Variants in CDH22 observed in about 807,000 individuals in gnomAD.
The protein encoded by CDH22 is cadherin 22, also known as cadherin-22.
CDH22 carries 30 observed loss-of-function variants against 58.4 expected under a neutral mutation model. That is an observed-to-expected ratio of 0.51 (90% CI 0.38 to 0.70). The LOEUF (loss-of-function observed/expected upper bound fraction) is 0.70, where lower values mean the gene tolerates loss of function less well. CDH22 is among the 30% of genes least tolerant of loss of function. The pLI, the probability that CDH22 is intolerant of heterozygous loss-of-function variation, is 0.00. For missense variants in CDH22, 1,014 were observed against 1,233.9 expected (o/e 0.82, Z 2.67); for synonymous variants, 513 against 558.2 (o/e 0.92, Z 1.14).
intron 4 of CDH22, 136 bp from the exon 5 acceptor site, chr20:46,217,129 A>C: frequency 2.7e-6 from 2 of 737,976 alleles, no homozygotes; most frequent in Non-Finnish European, 4.4e-6. Context: ...CCACACAAGG[A>C]CATCCACGTG....
intron 8 of CDH22, among the ~76,000 whole-genome samples, chr20:46,197,887 T>A (rs993103086): frequency 6.6e-6 from 1 of 151,796 alleles, no homozygotes; most frequent in African/African-American, 2.4e-5. Flanking sequence ...GGATGGCAGC[T>A]AGGGGAGGAG....
intron 1 of CDH22, among the ~76,000 whole-genome samples, chr20:46,295,596 AG>A (rs1345264842): frequency 6.6e-6 from 1 of 152,168 alleles, no homozygotes; most frequent in Non-Finnish European, 1.5e-5. Context: ...GCAGCTAGGA[AG>A]GGGGGCAGCT....
intron 3 of CDH22, among the ~76,000 whole-genome samples, chr20:46,234,269 T>C (rs551236997): frequency 1.3e-5 from 2 of 152,372 alleles, no homozygotes; most frequent in East Asian, 1.9e-4. Flanking sequence ...CAAGAAATGA[T>C]TGTGACTCTT....
chr20:46,212,850 A>G (rs2086053437), intron 6 of CDH22, 145 bp downstream of exon 6: 1 of 648,984 alleles, frequency 1.5e-6, no homozygotes, highest in South Asian at 1.9e-5. Context: ...TGATACCATC[A>G]GTGTTTTTCC....
chr20:46,246,460 T>A (rs1197641572), intron 2 of CDH22, among the ~76,000 whole-genome samples: 3 of 152,126 alleles, frequency 2.0e-5, no homozygotes, highest in Non-Finnish European at 4.4e-5. Flanking sequence ...AAAATCCACA[T>A]CCAGCTGACA....
At chr20:46,263,500 C>T (rs191276461) in intron 1 of CDH22, among the ~76,000 whole-genome samples, 356 of 152,062 alleles carry the variant, frequency 2.3e-3, no homozygotes, top group African/African-American at 6.7e-3. Flanking sequence ...CAAATAAATG[C>T]ACAATTACCA....
chr20:46,234,001 A>G (rs1438415907), intron 3 of CDH22, among the ~76,000 whole-genome samples: 2 of 152,224 alleles, frequency 1.3e-5, no homozygotes, highest in Non-Finnish European at 2.9e-5. Context: ...GGAGGCTCCC[A>G]GCCTGCTGCT....
At chr20:46,232,486 G>A (rs961900751) in intron 3 of CDH22, among the ~76,000 whole-genome samples, 1 of 152,158 alleles carries the variant, frequency 6.6e-6, no homozygotes, top group African/African-American at 2.4e-5. Context: ...AAAGAACAGA[G>A]TTCTCAGCCG....
Position 46,199,458 on chromosome 20 carries a change from C to T in CDH22, c.1388G>A (p.Gly463Asp). 1 of 1,613,400 alleles carries T rather than the reference C, an allele frequency of 6.2e-7. No homozygotes were observed. Among genetic ancestry groups the T allele is most frequent in the Non-Finnish European group, 8.5e-7 (1 of 1,179,996 alleles). The part of the protein sequence containing the change: ...TGKGLDRETA[G>D]WHNITVLAME... ...GGCCAGCACTGTGATGTTGTGCCAGCCGGCCGTCTCGCGGTCCAGCCCCTT... is the reference window on the plus strand; with the variant it reads ...GGCCAGCACTGTGATGTTGTGCCAGTCGGCCGTCTCGCGGTCCAGCCCCTT... Residue 463 changes from glycine (G) to aspartate (D), a missense_variant, in exon 8 of 12, where the codon GGC (glycine) becomes GAC (aspartate). Gly to Asp is a moderately conservative substitution (Grantham distance 94). Coordinates refer to ENST00000537909, the MANE Select transcript of CDH22 (RefSeq NM_021248.3).
At chr20:46,296,012 C>T (rs894707912) in intron 1 of CDH22, among the ~76,000 whole-genome samples, 2 of 152,200 alleles carry the variant, frequency 1.3e-5, no homozygotes, top group Admixed American at 1.3e-4. Flanking sequence ...ATCCTCCTGC[C>T]TCGGCCTCTC....
chr20:46,226,805 T>A (rs1299698639), intron 4 of CDH22, among the ~76,000 whole-genome samples: 1 of 152,168 alleles, frequency 6.6e-6, no homozygotes, highest in East Asian at 1.9e-4. Context: ...TGGCAGCCAC[T>A]CCCAGCTGTG....
In CDH22 at chr20:46,264,732, C is replaced by T. The variant is rs1415865331; in HGVS notation, c.-399-13039G>A. ...CAGCATGAACCATGTCCTTCCCCCACGCTACTTGACGTGACTTAACCCAGG... is the reference window on the plus strand; with the variant it reads ...CAGCATGAACCATGTCCTTCCCCCATGCTACTTGACGTGACTTAACCCAGG... On this transcript the variant is annotated intron_variant, in intron 1 of 11. Transcript: ENST00000537909. Among the ~76,000 whole-genome samples the T allele has an allele frequency of 1.1e-4, 17 of 152,242 alleles. 1 individual carries two copies. Among genetic ancestry groups the T allele is most frequent in the East Asian group, 1.9e-4 (1 of 5,166 alleles).
chr20:46,282,757 G>A (rs2086556840), intron 1 of CDH22, among the ~76,000 whole-genome samples: 1 of 152,106 alleles, frequency 6.6e-6, no homozygotes, highest in Admixed American at 6.5e-5. Context: ...CCCCGGGGGA[G>A]GGAAGGGTGG....
intron 1 of CDH22, among the ~76,000 whole-genome samples, chr20:46,257,261 A>G (rs1190607917): frequency 3.9e-5 from 6 of 152,018 alleles, no homozygotes; most frequent in Admixed American, 2.0e-4. Flanking sequence ...GCAATGAGAC[A>G]TGATCACACC....
rs528692705 is a variant in CDH22, at chr20:46,241,691, C to T, written c.256-434G>A. On this transcript the variant is annotated intron_variant, in intron 2 of 11. Transcript: ENST00000537909. This position sits in a 1 kb window ranked among gnomAD's most constrained non-coding sequence, Gnocchi z 5.2. ...GGAAAGTCTCTCATCCTGCAAAGTG[C>T]AACAAAAATGCCACCTCTTTCAGAA... Among the ~76,000 whole-genome samples the T allele has an allele frequency of 2.6e-5, 4 of 151,844 alleles. No individual in the cohort carries two copies. Among genetic ancestry groups the T allele is most frequent in the Non-Finnish European group, 5.9e-5 (4 of 67,760 alleles).
At chr20:46,250,986 C>T in intron 2 of CDH22, 54 bp downstream of exon 2, 1 of 1,078,738 alleles carries the variant, frequency 9.3e-7, no homozygotes, top group East Asian at 2.6e-5. Context: ...TGTATCTACC[C>T]GTGGGTGTCC....
chr20:46,239,458 C>A (rs2086275180), intron 3 of CDH22, among the ~76,000 whole-genome samples: 6 of 152,224 alleles, frequency 3.9e-5, no homozygotes. Context: ...CCTTGCCCAC[C>A]ATTCTCTCTG....
intron 4 of CDH22, among the ~76,000 whole-genome samples, chr20:46,226,230 ACCTTCT>A (rs1480867294): frequency 7.2e-6 from 1 of 138,054 alleles, no homozygotes; most frequent in East Asian, 2.3e-4. Context: ...GTCTGGCAAC[ACCTTCT>A]TCTTCTTCTT....
At chr20:46,254,862 A>G (rs1173820064) in intron 1 of CDH22, among the ~76,000 whole-genome samples, 1 of 152,190 alleles carries the variant, frequency 6.6e-6, no homozygotes, top group Non-Finnish European at 1.5e-5. Flanking sequence ...GCAAAGGTCC[A>G]GAGGTTGGAA....
Sources: gnomAD v4.1 joint callset for allele counts (sites outside exome capture counted in the v4.1 genomes callset) on GRCh38, gnomAD v4.1.1 for gene constraint, Gnocchi (gnomAD v3.1) non-coding constraint, MANE v1.5 for transcripts, NCBI Gene and HGNC (gene_info 2026-07-23, HGNC 2026-07-21) for gene names.